SLC13A1: variants seen among roughly 807,000 people sequenced by gnomAD.
SLC13A1 encodes Na(+)/sulfate cotransporter.
Under a neutral mutation model 70.0 loss-of-function variants are expected in SLC13A1, and 65 were observed. The ratio of observed to expected loss-of-function variants is 0.93; its 90% CI spans 0.76 to 1.14. The LOEUF (loss-of-function observed/expected upper bound fraction) is 1.14. Among genes scored for constraint, SLC13A1 ranks in the 50% most tolerant of loss-of-function variants. The pLI, the probability that SLC13A1 is intolerant of heterozygous loss-of-function variation, is 0.00. For missense variants in SLC13A1, 726 were observed against 717.8 expected (o/e 1.01, Z -0.13); for synonymous variants, 275 against 250.5 (o/e 1.10, Z -0.92).
At chr7:123,180,343 C>T (rs150787253) in intron 2 of SLC13A1, among the ~76,000 whole-genome samples, 2 of 152,254 alleles carry the variant, frequency 1.3e-5, no homozygotes, top group African/African-American at 4.8e-5. Context: ...GTATCTCGAA[C>T]TTAACATCTT....
chr7:123,175,974 T>C (rs930703554), intron 2 of SLC13A1, among the ~76,000 whole-genome samples: 2 of 152,218 alleles, frequency 1.3e-5, no homozygotes, highest in East Asian at 1.9e-4. Context: ...TTTGGCCATA[T>C]GGTCTTCATT....
chr7:123,123,881 A>G (rs1400189865), intron 11 of SLC13A1, among the ~76,000 whole-genome samples: 1 of 152,124 alleles, frequency 6.6e-6, no homozygotes, highest in African/African-American at 2.4e-5. Flanking sequence ...TCATTTGGAG[A>G]CATATTCTGC....
At chr7:123,184,172 G>A (rs1232005337) in intron 1 of SLC13A1, among the ~76,000 whole-genome samples, 1 of 151,928 alleles carries the variant, frequency 6.6e-6, no homozygotes, top group African/African-American at 2.4e-5. Flanking sequence ...TGTATGTACT[G>A]TATTTATCAT....
At chr7:123,126,068 C>A (rs905660386) in intron 10 of SLC13A1, among the ~76,000 whole-genome samples, 2 of 152,108 alleles carry the variant, frequency 1.3e-5, no homozygotes, top group East Asian at 3.9e-4. Flanking sequence ...GCATGGAAAG[C>A]CCCATATAAT....
In SLC13A1 at chr7:123,129,391, C is replaced by A; in HGVS notation, c.1023G>T (p.Gly341=). Residue 341 remains glycine (G), a synonymous_variant, in exon 9 of 15, where the codon GGG becomes GGT. Transcript: ENST00000194130. ...GTGTGTGTTTGTCTTACCTTATTGG[C>A]CCAAGCTTTTGGTATTCTTGCTTAA... ...EVIKQEYQKL[G]PIRYQEIVTL... The A allele has an allele frequency of 6.3e-7, 1 of 1,578,350 alleles. No individual in the cohort carries two copies. The highest frequency in any genetic ancestry group is 8.6e-7 in the Non-Finnish European group (1 of 1,163,530).
intron 7 of SLC13A1, among the ~76,000 whole-genome samples, chr7:123,135,578 ATACTTTG>A (rs1338821086): frequency 6.6e-6 from 1 of 152,140 alleles, no homozygotes. Context: ...TATTTTAATC[ATACTTTG>A]TACTTTGTCA....
intron 6 of SLC13A1, among the ~76,000 whole-genome samples, chr7:123,151,386 G>GTATA (rs1554548261): frequency 1.7e-4 from 25 of 145,880 alleles, no homozygotes; most frequent in African/African-American, 4.6e-4. Flanking sequence ...GTGTGTGTGT[G>GTATA]TATATATATA....
intron 12 of SLC13A1, among the ~76,000 whole-genome samples, chr7:123,122,259 AT>A (rs1342261429): frequency 6.6e-6 from 1 of 152,162 alleles, no homozygotes; most frequent in African/African-American, 2.4e-5. Flanking sequence ...TAGTATAGAA[AT>A]TTAACCTCCT....
chr7:123,179,583 C>T (rs1018763364), intron 2 of SLC13A1, among the ~76,000 whole-genome samples: 12 of 152,116 alleles, frequency 7.9e-5, no homozygotes, highest in Non-Finnish European at 1.5e-4. Context: ...CCCTTACACA[C>T]CACAAAGAGG....
At chr7:123,147,018 G>T in intron 7 of SLC13A1, 141 bp downstream of exon 7, 1 of 775,884 alleles carries the variant, frequency 1.3e-6, no homozygotes, top group Admixed American at 2.9e-5. Flanking sequence ...AAGGTCTGTA[G>T]ATCTATAGAT....
intron 1 of SLC13A1, among the ~76,000 whole-genome samples, chr7:123,190,917 A>G (rs1478024366): frequency 2.0e-5 from 3 of 151,990 alleles, no homozygotes; most frequent in Admixed American, 1.3e-4. Flanking sequence ...TTTGAAAAAT[A>G]ATTTGTTTCT....
At chr7:123,122,888 T>C (rs1793430186) in intron 12 of SLC13A1, among the ~76,000 whole-genome samples, 1 of 152,148 alleles carries the variant, frequency 6.6e-6, no homozygotes. Flanking sequence ...ATCTTCTTTG[T>C]ATTATTTCTT....
At chr7:123,196,611 A>G (rs1796193203) in intron 1 of SLC13A1, among the ~76,000 whole-genome samples, 1 of 152,068 alleles carries the variant, frequency 6.6e-6, no homozygotes, top group Admixed American at 6.6e-5. Context: ...GGGCTCTGGG[A>G]CACCCAGCAA....
chr7:123,166,015 A>T (rs1795063744), intron 6 of SLC13A1, among the ~76,000 whole-genome samples: 1 of 152,000 alleles, frequency 6.6e-6, no homozygotes, highest in Admixed American at 6.6e-5. Context: ...TCGTCTTTCC[A>T]GACTCAAATG....
chr7:123,193,142 C>A (rs1796055498), intron 1 of SLC13A1, among the ~76,000 whole-genome samples: 1 of 152,130 alleles, frequency 6.6e-6, no homozygotes, highest in African/African-American at 2.4e-5. Flanking sequence ...AAAATGCAAT[C>A]CATGAACTAC....
intron 10 of SLC13A1, among the ~76,000 whole-genome samples, chr7:123,126,619 A>T (rs550103083): frequency 2.6e-5 from 4 of 152,248 alleles, no homozygotes; most frequent in African/African-American, 9.6e-5. Flanking sequence ...TGAAAAATCT[A>T]AAAAGCCAAA....
At chr7:123,123,632 C>T (rs1200082224) in intron 11 of SLC13A1, among the ~76,000 whole-genome samples, 2 of 152,002 alleles carry the variant, frequency 1.3e-5, no homozygotes, top group East Asian at 3.9e-4. Flanking sequence ...CCATTGGTTC[C>T]AATAGCATCT....
At chr7:123,161,274 T>A (rs998966427) in intron 6 of SLC13A1, among the ~76,000 whole-genome samples, 2 of 150,910 alleles carry the variant, frequency 1.3e-5, no homozygotes, top group African/African-American at 4.8e-5. Context: ...AAATAAAGAT[T>A]ATTTAAAAAT....
chr7:123,134,527 C>T lies in SLC13A1; in HGVS notation c.815G>A (p.Arg272His), dbSNP rs772776032. Residue 272 changes from arginine (R) to histidine (H), a missense_variant and splice_region_variant, in exon 8 of 15, where the codon CGC (arginine) becomes CAC (histidine). Coordinates refer to ENST00000194130, the MANE Select transcript of SLC13A1 (RefSeq NM_022444.4). Reference sequence around the variant, plus strand: ...GTTGAGGCAACGACAGTCAGGATAGCGTCTGTGTGAAAACATGGAGACGTG... The same window carrying T: ...GTTGAGGCAACGACAGTCAGGATAGTGTCTGTGTGAAAACATGGAGACGTG... ...NLIFAEYFNT[R>H]YPDCRCLNFG... The T allele has an allele frequency of 3.7e-6, 6 of 1,612,204 alleles. No homozygotes were observed. Among genetic ancestry groups the T allele is most frequent in the East Asian group, 2.2e-5 (1 of 44,784 alleles).
Sources: gnomAD v4.1 joint callset for allele counts (sites outside exome capture counted in the v4.1 genomes callset) on GRCh38, gnomAD v4.1.1 for gene constraint, MANE v1.5 for transcripts, NCBI Gene and HGNC (gene_info 2026-07-23, HGNC 2026-07-21) for gene names.